KATNAL2: variants seen among roughly 807,000 people sequenced by gnomAD.
KATNAL2 encodes the protein katanin p60 ATPase-containing subunit A-like 2.
In KATNAL2, 52 loss-of-function variants were observed where a neutral mutation model predicts 76.3. The ratio of observed to expected loss-of-function variants is 0.68; its 90% CI spans 0.55 to 0.86. The LOEUF is 0.86. Among genes scored for constraint, KATNAL2 ranks in the 40% least tolerant of loss-of-function variants. The pLI, the probability that KATNAL2 is intolerant of heterozygous loss-of-function variation, is 0.00. For synonymous variants in KATNAL2, 243 were observed against 244.2 expected (o/e 1.00, Z 0.05); for missense variants, 660 against 668.9 (o/e 0.99, Z 0.15).
chr18:46,926,766 C>T (rs1021076678), intron 1 of KATNAL2, among the ~76,000 whole-genome samples: 3 of 152,064 alleles, frequency 2.0e-5, no homozygotes, highest in African/African-American at 7.2e-5. Context: ...AATCTGGGTG[C>T]TCCTGTATTG....
intron 10 of KATNAL2, among the ~76,000 whole-genome samples, chr18:47,064,167 G>A (rs533571172): frequency 4.0e-5 from 6 of 151,830 alleles, no homozygotes; most frequent in Non-Finnish European, 5.9e-5. Context: ...AGACACAAAT[G>A]TGAACGAGTC....
intron 4 of KATNAL2, among the ~76,000 whole-genome samples, chr18:47,051,434 A>C (rs75623137): frequency 8.3e-5 from 9 of 108,112 alleles, no homozygotes; most frequent in African/African-American, 3.0e-4. Flanking sequence ...TCTAAAAAGA[A>C]AAAAAAAAAA....
chr18:47,046,319 T>C, intron 3 of KATNAL2, 138 bp from the exon 4 acceptor site: 1 of 637,952 alleles, frequency 1.6e-6, no homozygotes, highest in Non-Finnish European at 2.8e-6. Context: ...TATATGTCCT[T>C]AGAGACTTCA....
At chr18:47,054,819 C>T (rs1215118895) in intron 6 of KATNAL2, among the ~76,000 whole-genome samples, 1 of 152,160 alleles carries the variant, frequency 6.6e-6, no homozygotes, top group Non-Finnish European at 1.5e-5. Flanking sequence ...ATAATATTTT[C>T]CCTCTTTTCA....
chr18:47,068,269 A>C (rs890212907), intron 11 of KATNAL2, among the ~76,000 whole-genome samples: 23 of 152,114 alleles, frequency 1.5e-4, no homozygotes, highest in African/African-American at 5.6e-4. Flanking sequence ...TATTTTATTG[A>C]ATAACCTATT....
At chr18:47,033,703 G>A (rs375978951) in intron 3 of KATNAL2, 5 of 1,614,172 alleles carry the variant, frequency 3.1e-6, no homozygotes, top group Non-Finnish European at 4.2e-6. Context: ...GAGCTGGCAG[G>A]CAGGCCTGGA....
intron 13 of KATNAL2, among the ~76,000 whole-genome samples, chr18:47,073,727 A>C (rs1319061324): frequency 6.6e-6 from 1 of 152,158 alleles, no homozygotes; most frequent in African/African-American, 2.4e-5. Context: ...AAATGCATAC[A>C]TCTGTTGATG....
intron 1 of KATNAL2, among the ~76,000 whole-genome samples, chr18:46,939,890 T>G (rs2059198604): frequency 6.6e-6 from 1 of 152,184 alleles, no homozygotes; most frequent in South Asian, 2.1e-4. Flanking sequence ...ATCCTTCCAG[T>G]AAAATACACC....
Position 47,031,315 on chromosome 18 carries a change from C to G in KATNAL2, c.52-15142C>G, listed in dbSNP as rs150974621. Reference sequence around the variant, plus strand: ...TACCTTTCAGTCCGAATGAGGAAAACAGATCCATTTGAAATATGTATGTTT... The same window carrying G: ...TACCTTTCAGTCCGAATGAGGAAAAGAGATCCATTTGAAATATGTATGTTT... On this transcript the variant is annotated intron_variant, in intron 3 of 17. Transcript: ENST00000683218. 1.5e-3 allele frequency among the ~76,000 whole-genome samples: 223 copies of G among 152,204 alleles called. 3 individuals carry two copies. Among genetic ancestry groups the G allele is most frequent in the Non-Finnish European group, 2.3e-3 (159 of 68,040 alleles).
At chr18:46,942,349 G>T (rs1599384333) in intron 1 of KATNAL2, among the ~76,000 whole-genome samples, 2 of 152,298 alleles carry the variant, frequency 1.3e-5, no homozygotes, top group East Asian at 3.9e-4. Flanking sequence ...AGGCATGGTG[G>T]CTCACGCCTG....
intron 13 of KATNAL2, among the ~76,000 whole-genome samples, chr18:47,070,517 T>C (rs2061962789): frequency 6.6e-6 from 1 of 152,214 alleles, no homozygotes; most frequent in Non-Finnish European, 1.5e-5. Flanking sequence ...CTTCCATTTA[T>C]GGTTTAGGTC....
chr18:47,051,834 G>A (rs1039778592), intron 4 of KATNAL2, among the ~76,000 whole-genome samples: 1 of 152,118 alleles, frequency 6.6e-6, no homozygotes, highest in Non-Finnish European at 1.5e-5. Context: ...AGGCCAAGAA[G>A]GGAATCAATT....
At chr18:47,096,332 T>TC (rs1427657557) in intron 15 of KATNAL2, among the ~76,000 whole-genome samples, 7 of 152,180 alleles carry the variant, frequency 4.6e-5, no homozygotes. Context: ...TTGTTACTCT[T>TC]TTTTAAAAAA....
At chr18:47,072,178 A>T (rs2062032435) in intron 13 of KATNAL2, among the ~76,000 whole-genome samples, 1 of 151,688 alleles carries the variant, frequency 6.6e-6, no homozygotes, top group Non-Finnish European at 1.5e-5. Context: ...GGCTGGTCTC[A>T]AACTCCTGAC....
intron 15 of KATNAL2, among the ~76,000 whole-genome samples, chr18:47,080,358 C>A (rs1488613879): frequency 6.6e-6 from 1 of 152,042 alleles, no homozygotes; most frequent in East Asian, 1.9e-4. Context: ...TTAGAGTATA[C>A]GATTCAATGG....
At chr18:46,944,091 T>C (rs549983330) in intron 1 of KATNAL2, among the ~76,000 whole-genome samples, 1 of 152,354 alleles carries the variant, frequency 6.6e-6, no homozygotes, top group East Asian at 1.9e-4. Context: ...TCTAGTCCAG[T>C]ACTAGTTACT....
At chr18:46,949,317 A>G (rs2059480000) in intron 3 of KATNAL2, among the ~76,000 whole-genome samples, 1 of 151,740 alleles carries the variant, frequency 6.6e-6, no homozygotes. Flanking sequence ...CAGTGGTGTG[A>G]TCTCAGCTCA....
At chr18:47,079,390 CTCTT>C (rs1263217045) in intron 15 of KATNAL2, among the ~76,000 whole-genome samples, 3 of 151,702 alleles carry the variant, frequency 2.0e-5, no homozygotes, top group South Asian at 4.2e-4. Context: ...AACAGACGGC[CTCTT>C]TTTTTTCTTT....
At position 47,101,690 on chromosome 18, in the gene KATNAL2, T is replaced by A. The variant is rs1250180181; in HGVS notation, c.*685T>A. On this transcript the variant is annotated 3_prime_UTR_variant, in exon 18 of 18. Coordinates refer to ENST00000683218, the MANE Select transcript of KATNAL2 (RefSeq NM_001387690.1). ...GGGTTCTGGCCCCCAATAACATCTT[T>A]TCACTCTTCACACCTCACATCCGGT... 2 of 152,786 alleles carry A rather than the reference T, an allele frequency of 1.3e-5. No individual in the cohort carries two copies. The highest frequency in any genetic ancestry group is 1.3e-4 in the Admixed American group (2 of 15,368). 9.5% of individuals were successfully genotyped at this position (152,786 alleles called of 1,614,324 possible).
Sources: gnomAD v4.1 joint callset for allele counts (sites outside exome capture counted in the v4.1 genomes callset) on GRCh38, gnomAD v4.1.1 for gene constraint, MANE v1.5 for transcripts, NCBI Gene and HGNC (gene_info 2026-07-23, HGNC 2026-07-21) for gene names.